RASAL2: variants seen among roughly 807,000 people sequenced by gnomAD.
RASAL2 encodes the protein RAS protein activator like 2.
In RASAL2, 58 loss-of-function variants were observed where a neutral mutation model predicts 128.9. The ratio of observed to expected loss-of-function variants is 0.45; its 90% CI spans 0.36 to 0.56. RASAL2 has a LOEUF of 0.56. Among genes scored for constraint, RASAL2 ranks in the 20% least tolerant of loss-of-function variants. The pLI, the probability that RASAL2 is intolerant of heterozygous loss-of-function variation, is 0.00. For missense variants in RASAL2, 1,360 were observed against 1,601.6 expected (o/e 0.85, Z 2.57); for synonymous variants, 561 against 580.8 (o/e 0.97, Z 0.49).
intron 1 of RASAL2, among the ~76,000 whole-genome samples, chr1:178,271,969 T>C (rs1049199476): frequency 6.6e-6 from 1 of 152,246 alleles, no homozygotes; most frequent in African/African-American, 2.4e-5. Context: ...TCTGAAATGC[T>C]AATACATTTC....
At chr1:178,467,141 T>C (rs748980347) in intron 16 of RASAL2, among the ~76,000 whole-genome samples, 193 bp from the exon 17 acceptor site, 1 of 152,106 alleles carries the variant, frequency 6.6e-6, no homozygotes, top group Non-Finnish European at 1.5e-5. Flanking sequence ...CCAAGGGAGA[T>C]GAAAATGTGT....
At chr1:178,183,048 C>T (rs1662168648) in intron 1 of RASAL2, among the ~76,000 whole-genome samples, 1 of 152,168 alleles carries the variant, frequency 6.6e-6, no homozygotes. Context: ...AATGCTCACT[C>T]ACCCACCGCT....
At chr1:178,148,243 T>G (rs1660796860) in intron 1 of RASAL2, among the ~76,000 whole-genome samples, 1 of 151,530 alleles carries the variant, frequency 6.6e-6, no homozygotes, top group South Asian at 2.1e-4. Flanking sequence ...AAAGAAGAGA[T>G]AGAAAAGGGT....
At chr1:178,350,333 G>A (rs780706851) in intron 3 of RASAL2, among the ~76,000 whole-genome samples, 2 of 152,094 alleles carry the variant, frequency 1.3e-5, no homozygotes, top group South Asian at 2.1e-4. Flanking sequence ...CGATCCTCTC[G>A]CCTCAGCCCC....
At chr1:178,185,069 G>A (rs1437880342) in intron 1 of RASAL2, among the ~76,000 whole-genome samples, 1 of 148,192 alleles carries the variant, frequency 6.7e-6, no homozygotes, top group Non-Finnish European at 1.5e-5. Context: ...TTCTCTTTTT[G>A]TTGTATGTGT....
At chr1:178,187,246 C>T (rs1053043810) in intron 1 of RASAL2, among the ~76,000 whole-genome samples, 4 of 151,998 alleles carry the variant, frequency 2.6e-5, no homozygotes, top group African/African-American at 9.7e-5. Flanking sequence ...CTCTGTTTTT[C>T]AATTGGTGTA....
chr1:178,364,288 A>G (rs372818426), intron 3 of RASAL2, among the ~76,000 whole-genome samples: 1 of 152,200 alleles, frequency 6.6e-6, no homozygotes, highest in Non-Finnish European at 1.5e-5. Flanking sequence ...TAAAAATGTT[A>G]TGGAAGAAAT....
At chr1:178,390,240 C>A in intron 4 of RASAL2, 34 bp downstream of exon 4, 3 of 1,484,314 alleles carry the variant, frequency 2.0e-6, no homozygotes, top group African/African-American at 1.4e-5. Context: ...GAATATTTTA[C>A]TTTTCCTTTT....
At chr1:178,241,576 A>G (rs1387399360) in intron 1 of RASAL2, among the ~76,000 whole-genome samples, 1 of 152,168 alleles carries the variant, frequency 6.6e-6, no homozygotes. Flanking sequence ...TCCATCTTTA[A>G]TTTAACTAGA....
chr1:178,224,416 T>G (rs372351737), intron 1 of RASAL2, among the ~76,000 whole-genome samples: 96 of 152,254 alleles, frequency 6.3e-4, no homozygotes, highest in African/African-American at 2.2e-3. Context: ...TGCCTTTCAC[T>G]TCTGATACTT....
At chr1:178,321,016 G>A (rs368652415) in intron 3 of RASAL2, among the ~76,000 whole-genome samples, 17 of 152,282 alleles carry the variant, frequency 1.1e-4, no homozygotes, top group African/African-American at 3.6e-4. Context: ...GTTTTGACAC[G>A]TTAGTGGCTA....
intron 3 of RASAL2, among the ~76,000 whole-genome samples, chr1:178,343,687 A>G (rs1669996425): frequency 6.6e-6 from 1 of 152,194 alleles, no homozygotes; most frequent in Non-Finnish European, 1.5e-5. Context: ...AATCATGATA[A>G]AACTCACTAC....
intron 4 of RASAL2, among the ~76,000 whole-genome samples, chr1:178,397,121 T>C (rs1026735419): frequency 6.6e-6 from 1 of 152,214 alleles, no homozygotes; most frequent in Non-Finnish European, 1.5e-5. Flanking sequence ...AATTCTACTT[T>C]TAGGAATATA....
At chr1:178,418,450 C>T (rs986786758) in intron 4 of RASAL2, among the ~76,000 whole-genome samples, 1 of 152,128 alleles carries the variant, frequency 6.6e-6, no homozygotes, top group Non-Finnish European at 1.5e-5. Flanking sequence ...TCAATCTCTA[C>T]ATACCTATAA....
At chr1:178,256,219 C>T (rs766071785) in intron 1 of RASAL2, among the ~76,000 whole-genome samples, 4 of 152,124 alleles carry the variant, frequency 2.6e-5, no homozygotes, top group Non-Finnish European at 5.9e-5. Context: ...AAATCAATGA[C>T]GGTAATATAT....
intron 1 of RASAL2, among the ~76,000 whole-genome samples, chr1:178,213,917 A>C (rs1000560895): frequency 6.6e-6 from 1 of 151,644 alleles, no homozygotes; most frequent in African/African-American, 2.4e-5. Context: ...CCAAACACAA[A>C]CCCTGAAAAG....
intron 3 of RASAL2, among the ~76,000 whole-genome samples, chr1:178,311,640 G>C (rs1668256947): frequency 6.6e-6 from 1 of 152,052 alleles, no homozygotes; most frequent in African/African-American, 2.4e-5. Context: ...GTGAATATGT[G>C]CACGCTGAAT....
Position 178,097,342 on chromosome 1 carries a change from A to G in RASAL2, c.202+2648A>G, listed in dbSNP as rs533821707. 4.6e-5 allele frequency among the ~76,000 whole-genome samples: 7 copies of G among 152,164 alleles called. No individual in the cohort carries two copies. The East Asian group carries it at 1.4e-3, about 29-fold the overall frequency. On this transcript the variant is annotated intron_variant, in intron 1 of 17. Transcript: ENST00000367649. Reference sequence around the variant, plus strand: ...GTCTGATTCTGTGGCTTGGCCCATTATTTTACCTGCAGGTTGGCCTATAAT... The same window carrying G: ...GTCTGATTCTGTGGCTTGGCCCATTGTTTTACCTGCAGGTTGGCCTATAAT...
chr1:178,342,545 C>A (rs1669940181), intron 3 of RASAL2, among the ~76,000 whole-genome samples: 1 of 151,994 alleles, frequency 6.6e-6, no homozygotes, highest in East Asian at 1.9e-4. Context: ...TGACCAAAAC[C>A]AAAAACATGT....
Sources: allele counts gnomAD v4.1 joint callset (sites outside exome capture counted in the v4.1 genomes callset), GRCh38; gene constraint gnomAD v4.1.1; transcripts MANE v1.5; gene names NCBI Gene and HGNC (gene_info 2026-07-23, HGNC 2026-07-21).